Variants in FHOD3 observed in about 807,000 individuals in gnomAD.
FHOD3 encodes FH1/FH2 domain-containing protein 3.
In FHOD3, 90 loss-of-function variants were observed where a neutral mutation model predicts 173.0. The observed-to-expected ratio is 0.52, with a 90% CI of 0.44 to 0.62. The LOEUF (loss-of-function observed/expected upper bound fraction) is 0.62. Among genes scored for constraint, FHOD3 ranks in the 20% least tolerant of loss-of-function variants. The pLI, the probability that FHOD3 is intolerant of heterozygous loss-of-function variation, is 0.00. For synonymous variants in FHOD3, 828 were observed against 823.0 expected, an observed-to-expected ratio of 1.01 and a Z score of -0.10; for missense variants, 1,945 against 2,034.7, an observed-to-expected ratio of 0.96 and a Z score of 0.85.
chr18:36,651,841 G>A (rs1199784983), intron 11 of FHOD3, among the ~76,000 whole-genome samples: 2 of 152,140 alleles, frequency 1.3e-5, no homozygotes, highest in African/African-American at 4.8e-5. Context: ...CAATGAACAT[G>A]TCTATCACCT....
intron 5 of FHOD3, among the ~76,000 whole-genome samples, chr18:36,552,078 T>C (rs2057680541): frequency 6.6e-6 from 1 of 152,210 alleles, no homozygotes. Flanking sequence ...ATCTGTAAAT[T>C]ACCTTGGGCA....
At chr18:36,751,874 G>A (rs1409095522) in intron 24 of FHOD3, among the ~76,000 whole-genome samples, 1 of 152,142 alleles carries the variant, frequency 6.6e-6, no homozygotes, top group African/African-American at 2.4e-5. Flanking sequence ...CACAGAGAGG[G>A]ACTGGGGAGA....
At chr18:36,697,562 C>T (rs1341537727) in intron 17 of FHOD3, among the ~76,000 whole-genome samples, 3 of 152,116 alleles carry the variant, frequency 2.0e-5, no homozygotes, top group African/African-American at 7.2e-5. Context: ...AGGAAAAATA[C>T]GTTTGACAGT....
At chr18:36,634,469 G>A (rs1238440771) in intron 10 of FHOD3, among the ~76,000 whole-genome samples, 1 of 152,170 alleles carries the variant, frequency 6.6e-6, no homozygotes, top group Non-Finnish European at 1.5e-5. Context: ...TGAGTCTGCA[G>A]TAGAATAGCA....
intron 5 of FHOD3, among the ~76,000 whole-genome samples, chr18:36,514,742 A>G (rs550113563): frequency 4.6e-5 from 7 of 152,252 alleles, no homozygotes; most frequent in South Asian, 4.1e-4. Flanking sequence ...GTGTATTTCT[A>G]TTGCATCAGC....
intron 3 of FHOD3, among the ~76,000 whole-genome samples, chr18:36,407,682 G>A (rs1462332003): frequency 6.6e-6 from 1 of 152,088 alleles, no homozygotes; most frequent in African/African-American, 2.4e-5. Flanking sequence ...AAACTCTACT[G>A]TGAGCTTCTG....
At chr18:36,496,779 G>A (rs2054768288) in intron 3 of FHOD3, among the ~76,000 whole-genome samples, 2 of 152,248 alleles carry the variant, frequency 1.3e-5, no homozygotes, top group South Asian at 4.1e-4. Context: ...AATATTAAAG[G>A]TTTGCAGTAG....
At chr18:36,572,825 C>A (rs1352607317) in intron 5 of FHOD3, among the ~76,000 whole-genome samples, 3 of 152,124 alleles carry the variant, frequency 2.0e-5, no homozygotes, top group Non-Finnish European at 2.9e-5. Context: ...CTTCTCTCTC[C>A]CTGTGTGGTT....
chr18:36,502,792 A>T (rs2055107359), intron 4 of FHOD3, among the ~76,000 whole-genome samples: 1 of 152,116 alleles, frequency 6.6e-6, no homozygotes, highest in South Asian at 2.1e-4. Context: ...CTACCCCCAC[A>T]TGCATGTTTC....
chr18:36,310,918 C>G (rs921302873), intron 1 of FHOD3, among the ~76,000 whole-genome samples: 1 of 152,014 alleles, frequency 6.6e-6, no homozygotes, highest in African/African-American at 2.4e-5. Flanking sequence ...TGGCCTGCAG[C>G]AGTGGGCCCG....
chr18:36,642,582 CAAAAAAAAAA>C (rs35920197), intron 10 of FHOD3, among the ~76,000 whole-genome samples: 1 of 61,818 alleles, frequency 1.6e-5, no homozygotes, highest in Non-Finnish European at 3.7e-5. Flanking sequence ...GACTCCGTCT[CAAAAAAAAAA>C]AAAAAAAAAA....
At chr18:36,481,636 GAT>G (rs1169150833) in intron 3 of FHOD3, among the ~76,000 whole-genome samples, 5 of 152,104 alleles carry the variant, frequency 3.3e-5, no homozygotes, top group Admixed American at 1.3e-4. Flanking sequence ...GGTATTTTGA[GAT>G]AGTGTCTCAC....
intron 5 of FHOD3, among the ~76,000 whole-genome samples, chr18:36,555,529 A>G (rs574256450): frequency 6.6e-6 from 1 of 152,226 alleles, no homozygotes; most frequent in African/African-American, 2.4e-5. Context: ...ATAGCCTATA[A>G]ATGTCAATTA....
chr18:36,298,347 C>T (rs1348496963), intron 1 of FHOD3, among the ~76,000 whole-genome samples: 2 of 152,290 alleles, frequency 1.3e-5, no homozygotes, highest in South Asian at 2.1e-4. Context: ...GGCAGTCGGC[C>T]TCGGCACTCG....
chr18:36,434,736 A>G (rs2050724629), intron 3 of FHOD3, among the ~76,000 whole-genome samples: 1 of 152,098 alleles, frequency 6.6e-6, no homozygotes, highest in South Asian at 2.1e-4. Context: ...TTCTTCCTGC[A>G]AAGTTTTATA....
At chr18:36,502,485 G>A (rs2055089567) in intron 4 of FHOD3, among the ~76,000 whole-genome samples, 2 of 152,262 alleles carry the variant, frequency 1.3e-5, no homozygotes, top group Admixed American at 1.3e-4. Context: ...ACTTATGAGT[G>A]AGAACATGTG....
Position 36,779,604 on chromosome 18 carries a change from G to GT in FHOD3, c.*76dup. The GT allele has an allele frequency of 7.4e-7, 1 of 1,345,740 alleles. No individual in the cohort carries two copies. Among genetic ancestry groups the GT allele is most frequent in the Non-Finnish European group, 1.1e-6 (1 of 941,374 alleles). 83.4% of individuals were successfully genotyped at this position (1,345,740 alleles called of 1,614,324 possible). ...GCTGGATGAAACCCCTCCAGGTGGG[G>GT]TTGGGGAGACTTGATATTCACATCC... On this transcript the variant is annotated 3_prime_UTR_variant, in exon 29 of 29. Transcript: ENST00000590592.
chr18:36,452,469 T>G (rs1003486470), intron 3 of FHOD3, among the ~76,000 whole-genome samples: 43 of 152,220 alleles, frequency 2.8e-4, no homozygotes, highest in African/African-American at 7.5e-4. Flanking sequence ...TAACATAAGA[T>G]CTATCCTTTT....
chr18:36,678,229 C>A (rs1191401264), intron 14 of FHOD3, among the ~76,000 whole-genome samples: 1 of 152,100 alleles, frequency 6.6e-6, no homozygotes, highest in Non-Finnish European at 1.5e-5. Flanking sequence ...GTAAACTGTT[C>A]TTAATATTTC....
Sources: allele counts gnomAD v4.1 joint callset (sites outside exome capture counted in the v4.1 genomes callset), GRCh38; gene constraint gnomAD v4.1.1; transcripts MANE v1.5; gene names NCBI Gene and HGNC (gene_info 2026-07-23, HGNC 2026-07-21).